The following STAM variants were observed in gnomAD, a reference collection of about 807,000 sequenced individuals.
The protein encoded by STAM is signal transducing adaptor molecule, also known as signal transducing adapter molecule 1.
Under a neutral mutation model 63.4 loss-of-function variants are expected in STAM, and 16 were observed. That is an observed-to-expected ratio of 0.25 (90% CI 0.17 to 0.38). The LOEUF (loss-of-function observed/expected upper bound fraction) is 0.38. Ranked by LOEUF, STAM falls within the 10% of genes least tolerant of loss-of-function variation. The pLI, the probability that STAM is intolerant of heterozygous loss-of-function variation, is 1.00. For synonymous variants in STAM, 238 were observed against 223.9 expected, an observed-to-expected ratio of 1.06 and a Z score of -0.56; for missense variants, 636 against 657.1, an observed-to-expected ratio of 0.97 and a Z score of 0.35.
intron 1 of STAM, among the ~76,000 whole-genome samples, chr10:17,648,372 C>T (rs2131553502): frequency 6.6e-6 from 1 of 152,270 alleles, no homozygotes; most frequent in South Asian, 2.1e-4. Flanking sequence ...TAAAATGAAC[C>T]AATCAGCAGG....
At chr10:17,701,273 AAAT>A (rs144620325) in intron 9 of STAM, among the ~76,000 whole-genome samples, 55,713 of 151,810 alleles carry the variant, frequency 0.37, 11,400 homozygotes, top group South Asian at 0.52. Flanking sequence ...GTTTATGAAA[AAAT>A]AAAAAGTATG....
intron 2 of STAM, chr10:17,673,114 T>C (rs1834707693): frequency 4.8e-6 from 4 of 827,322 alleles, no homozygotes; most frequent in Non-Finnish European, 5.8e-6. Flanking sequence ...CTCTTCTAAG[T>C]GCACGTGCAG....
intron 2 of STAM, among the ~76,000 whole-genome samples, chr10:17,683,914 T>C (rs1835186991): frequency 6.6e-6 from 1 of 152,250 alleles, no homozygotes; most frequent in Admixed American, 6.5e-5. Context: ...AGTATTGGAC[T>C]TTATTTTTTC....
At chr10:17,684,154 C>T (rs779977873) in intron 2 of STAM, among the ~76,000 whole-genome samples, 1 of 152,112 alleles carries the variant, frequency 6.6e-6, no homozygotes, top group Non-Finnish European at 1.5e-5. Flanking sequence ...CCTGTGCATG[C>T]GTGGGTTTTT....
chr10:17,701,810 A>G lies in STAM; in HGVS notation c.912+1531A>G, dbSNP rs1405661077. Among the ~76,000 whole-genome samples the G allele has an allele frequency of 3.3e-5, 5 of 152,284 alleles. No homozygotes were observed. In the East Asian group the frequency reaches 7.7e-4, roughly 23 times the overall value. ...CCCGTAGTGAAGATTACTGTGGTACATTGCCTCAGAGTATAAGAATTACCA... is the reference window on the plus strand; with the variant it reads ...CCCGTAGTGAAGATTACTGTGGTACGTTGCCTCAGAGTATAAGAATTACCA... On this transcript the variant is annotated intron_variant, in intron 9 of 13. Coordinates refer to ENST00000377524, the MANE Select transcript of STAM (RefSeq NM_003473.4).
chr10:17,661,775 T>C (rs1554822904), intron 2 of STAM, among the ~76,000 whole-genome samples: 1 of 152,188 alleles, frequency 6.6e-6, no homozygotes, highest in Admixed American at 6.5e-5. Flanking sequence ...TTAATCAAGT[T>C]TTTGAGCATA....
At chr10:17,714,423 TA>T (rs782040658) in intron 13 of STAM, 119 bp from the exon 14 acceptor site, 5 of 957,480 alleles carry the variant, frequency 5.2e-6, no homozygotes, top group Non-Finnish European at 6.5e-6. Context: ...AGCTGTTTAG[TA>T]AAAGGTTATT....
intron 10 of STAM, 122 bp downstream of exon 10, chr10:17,704,640 C>T (rs1483353936): frequency 3.5e-6 from 3 of 846,018 alleles, no homozygotes; most frequent in Non-Finnish European, 5.6e-6. Flanking sequence ...TCTCCTTGAC[C>T]CAGGCTCACT....
At chr10:17,702,768 G>T (rs756985086) in intron 9 of STAM, among the ~76,000 whole-genome samples, 10 of 152,096 alleles carry the variant, frequency 6.6e-5, no homozygotes, top group Admixed American at 2.0e-4. Context: ...CCAGCACTTC[G>T]GGAGGCCGAG....
chr10:17,665,781 T>A (rs1174572718), intron 2 of STAM, among the ~76,000 whole-genome samples: 1 of 152,020 alleles, frequency 6.6e-6, no homozygotes. Flanking sequence ...AGTTTCTTTT[T>A]AAATCTTGAA....
chr10:17,713,342 A>T (rs559877169), intron 13 of STAM, among the ~76,000 whole-genome samples: 1 of 152,116 alleles, frequency 6.6e-6, no homozygotes, highest in East Asian at 1.9e-4. Flanking sequence ...CCAGATGCGT[A>T]TTTCTCCTCC....
intron 12 of STAM, among the ~76,000 whole-genome samples, chr10:17,706,341 T>C (rs1341285531): frequency 1.3e-5 from 2 of 148,978 alleles, no homozygotes; most frequent in Admixed American, 6.7e-5. Context: ...TCCAGACCTA[T>C]TGAATCAGAA....
intron 5 of STAM, among the ~76,000 whole-genome samples, chr10:17,692,374 G>A (rs7083558): frequency 6.6e-6 from 1 of 152,192 alleles, no homozygotes; most frequent in Non-Finnish European, 1.5e-5. Flanking sequence ...ACTCAAAAGG[G>A]AAAAAGTGAA....
At chr10:17,699,405 T>C (rs1835895191) in intron 8 of STAM, among the ~76,000 whole-genome samples, 2 of 152,248 alleles carry the variant, frequency 1.3e-5, no homozygotes, top group Non-Finnish European at 2.9e-5. Flanking sequence ...ATTAAAAATA[T>C]AGAAAGGAAG....
In STAM at chr10:17,658,246, G is replaced by T. The variant is rs555730486; in HGVS notation, c.41-2218G>T. Among the ~76,000 whole-genome samples, 190 of 151,602 alleles carry T rather than the reference G, an allele frequency of 1.3e-3. 2 individuals are homozygous for T. The highest frequency in any genetic ancestry group is 4.4e-3 in the African/African-American group (183 of 41,314). On this transcript the variant is annotated intron_variant, in intron 1 of 13. Transcript: ENST00000377524. ...AGTGTGTTAGTCTCCATGTACTTTG[G>T]GATTTTCCAGCTATCTTTCTGTTAT... is the stretch of plus-strand genomic sequence containing the variant.
intron 1 of STAM, among the ~76,000 whole-genome samples, chr10:17,654,886 C>T (rs1470148054): frequency 6.6e-6 from 1 of 152,162 alleles, no homozygotes; most frequent in African/African-American, 2.4e-5. Context: ...TATTTTAGGT[C>T]TTAATGTTGT....
intron 2 of STAM, among the ~76,000 whole-genome samples, chr10:17,668,667 G>C (rs1016095517): frequency 3.3e-5 from 5 of 152,048 alleles, no homozygotes; most frequent in African/African-American, 9.7e-5. Flanking sequence ...TCTTTTTACT[G>C]TTTACAAGTT....
chr10:17,678,944 A>G (rs782169428), intron 2 of STAM, among the ~76,000 whole-genome samples: 19 of 152,202 alleles, frequency 1.2e-4, no homozygotes, highest in South Asian at 4.1e-4. Flanking sequence ...TCCATGTTGT[A>G]TATAGCATGT....
intron 2 of STAM, among the ~76,000 whole-genome samples, chr10:17,680,846 T>G (rs781915639): frequency 4.6e-5 from 7 of 152,206 alleles, no homozygotes; most frequent in Non-Finnish European, 7.3e-5. Flanking sequence ...ATGTACCACA[T>G]TTTGCTTATC....
Sources: gnomAD v4.1 joint callset for allele counts (sites outside exome capture counted in the v4.1 genomes callset) on GRCh38, gnomAD v4.1.1 for gene constraint, MANE v1.5 for transcripts, NCBI Gene and HGNC (gene_info 2026-07-23, HGNC 2026-07-21) for gene names.